The following XPNPEP1 variants were observed in gnomAD, a reference collection of about 807,000 sequenced individuals.
XPNPEP1 encodes xaa-Pro aminopeptidase 1.
In XPNPEP1, 39 loss-of-function variants were observed where a neutral mutation model predicts 92.4. That is an observed-to-expected ratio of 0.42 (90% confidence interval 0.33 to 0.55). The LOEUF is 0.55. Among genes scored for constraint, XPNPEP1 ranks in the 20% least tolerant of loss-of-function variants. XPNPEP1 has a pLI of 0.08. For synonymous variants in XPNPEP1, 307 were observed against 299.4 expected (o/e 1.03, Z -0.26); for missense variants, 654 against 856.1 (o/e 0.76, Z 2.95).
intron 5 of XPNPEP1, among the ~76,000 whole-genome samples, chr10:109,890,583 TGTGTGTGTGTGAGA>T (rs1180732510): frequency 7.1e-4 from 65 of 91,642 alleles, no homozygotes; most frequent in Middle Eastern, 5.7e-3. Flanking sequence ...TGTGTGTGTG[TGTGTGTGTGTGAGA>T]GAGAGAGAGA....
chr10:109,913,211 A>G (rs1849976371), intron 2 of XPNPEP1, among the ~76,000 whole-genome samples: 1 of 152,218 alleles, frequency 6.6e-6, no homozygotes, highest in Non-Finnish European at 1.5e-5. Context: ...CTTTATCACA[A>G]ACAAGATTTT....
intron 10 of XPNPEP1, 23 bp downstream of exon 10, chr10:109,882,409 T>A (rs367842342): frequency 1.2e-6 from 2 of 1,602,764 alleles, no homozygotes; most frequent in African/African-American, 1.3e-5. Flanking sequence ...AGAGTTTAGA[T>A]GGGCCAAAGT....
chr10:109,909,108 A>C (rs1325021451), intron 2 of XPNPEP1, among the ~76,000 whole-genome samples: 1 of 152,046 alleles, frequency 6.6e-6, no homozygotes, highest in African/African-American at 2.4e-5. Context: ...GTCTCTACTA[A>C]AAATACAAAA....
intron 10 of XPNPEP1, 139 bp downstream of exon 10, chr10:109,882,293 C>G (rs1848143086): frequency 2.1e-6 from 2 of 946,980 alleles, no homozygotes; most frequent in Non-Finnish European, 3.1e-6. Context: ...TGCTATGGCT[C>G]CAGCTTTAAG....
chr10:109,865,433 C>T (rs1847084272), intron 20 of XPNPEP1, 121 bp from the exon 21 acceptor site: 1 of 1,291,772 alleles, frequency 7.7e-7, no homozygotes, highest in African/African-American at 1.5e-5. Flanking sequence ...AGGTGTGCAA[C>T]ACCCTTTCTC....
intron 12 of XPNPEP1, among the ~76,000 whole-genome samples, chr10:109,879,651 C>A (rs1440064702): frequency 6.6e-6 from 1 of 151,952 alleles, no homozygotes; most frequent in Non-Finnish European, 1.5e-5. Flanking sequence ...GAAAAAGTTA[C>A]ACTAGTGGGA....
chr10:109,893,118 T>G, intron 3 of XPNPEP1, 43 bp from the exon 4 acceptor site: 1 of 1,575,824 alleles, frequency 6.3e-7, no homozygotes, highest in Non-Finnish European at 8.7e-7. Context: ...CGATCAGTCA[T>G]GAGCAGACTG....
chr10:109,882,729 T>G, intron 9 of XPNPEP1, 87 bp from the exon 10 acceptor site: 1 of 1,427,822 alleles, frequency 7.0e-7, no homozygotes, highest in Non-Finnish European at 9.6e-7. Context: ...CATCAGGCTC[T>G]GTTTCCTGGC....
intron 3 of XPNPEP1, among the ~76,000 whole-genome samples, chr10:109,899,804 A>C (rs1849184415): frequency 6.6e-6 from 1 of 152,248 alleles, no homozygotes; most frequent in South Asian, 2.1e-4. Flanking sequence ...CAACAACATA[A>C]TATGGGGTCT....
intron 2 of XPNPEP1, 138 bp from the exon 3 acceptor site, chr10:109,907,953 C>T: frequency 8.1e-7 from 1 of 1,241,158 alleles, no homozygotes; most frequent in East Asian, 2.4e-5. Context: ...ATCACTCCAC[C>T]ACCAGACCAA....
At chr10:109,878,335 T>C (rs1289244780) in intron 12 of XPNPEP1, 1 of 345,622 alleles carries the variant, frequency 2.9e-6, no homozygotes, top group Non-Finnish European at 5.3e-6. Flanking sequence ...AGTTTAAAAA[T>C]TCAAAAGCAT....
chr10:109,915,074 T>G lies in XPNPEP1; in HGVS notation c.58A>C (p.Arg20=). Residue 20 remains arginine, a synonymous_variant, in exon 2 of 21, where the codon AGA becomes CGA. Transcript: ENST00000502935. ...VRVNHQDFQL[R]NLRIIEPNEV... ...TTAGGTTCAATTATTCTTAAATTTC[T>G]CAGTTGAAAATCCTGGTGATTCACC... The G allele has an allele frequency of 6.5e-7, 1 of 1,529,286 alleles. No homozygotes were observed. The highest frequency in any genetic ancestry group is 1.2e-5 in the South Asian group (1 of 82,226). 94.7% of individuals were successfully genotyped at this position (1,529,286 alleles called of 1,614,324 possible). A position where few individuals can be genotyped will look rare whatever the true frequency, so the allele number is the denominator to read the frequency against.
intron 3 of XPNPEP1, among the ~76,000 whole-genome samples, chr10:109,896,032 C>T (rs1815249): frequency 0.56 from 84,919 of 152,112 alleles, 26,217 homozygotes; most frequent in African/African-American, 0.8. Context: ...GCTCCAGACA[C>T]ACCCACCTCC....
intron 19 of XPNPEP1, among the ~76,000 whole-genome samples, chr10:109,869,309 A>G (rs539794468): frequency 1.9e-4 from 29 of 152,338 alleles, no homozygotes; most frequent in Admixed American, 9.8e-4. Flanking sequence ...ACTTCCCTCC[A>G]ATTGTTCAAT....
At chr10:109,893,109 G>A (rs1260881911) in intron 3 of XPNPEP1, 34 bp from the exon 4 acceptor site, 41 of 1,593,678 alleles carry the variant, frequency 2.6e-5, no homozygotes, top group Non-Finnish European at 3.4e-5. Flanking sequence ...AGTGGGCCTC[G>A]ATCAGTCATG....
At chr10:109,891,466 G>A in intron 5 of XPNPEP1, 1 of 338,124 alleles carries the variant, frequency 3.0e-6, no homozygotes, top group Non-Finnish European at 5.4e-6. Context: ...AATGTGATCT[G>A]CAGCAAATCA....
intron 3 of XPNPEP1, 175 bp from the exon 4 acceptor site, chr10:109,893,250 A>C: frequency 5.5e-6 from 3 of 549,536 alleles, no homozygotes; most frequent in Non-Finnish European, 9.8e-6. Context: ...ACACTGCAGA[A>C]GATTGAATTA....
intron 16 of XPNPEP1, among the ~76,000 whole-genome samples, chr10:109,872,687 G>A (rs7916801): frequency 0.19 from 29,654 of 152,172 alleles, 3,304 homozygotes; most frequent in South Asian, 0.39. Flanking sequence ...TGGACAAACA[G>A]ATTCACTTAG....
At position 109,907,789 on chromosome 10, in the gene XPNPEP1, A is replaced by C. The variant is rs1849638504; in HGVS notation, c.148T>G (p.Ser50Ala). 1 of 1,614,128 alleles carries C rather than the reference A, an allele frequency of 6.2e-7. No individual in the cohort carries two copies. Among genetic ancestry groups the C allele is most frequent in the Admixed American group, 1.7e-5 (1 of 60,014 alleles). Residue 50 changes from serine (S) to alanine (A), a missense_variant, in exon 3 of 21, where the codon TCA (serine) becomes GCA (alanine). Transcript: ENST00000502935. ...TGTCTCAGCTGCCGAAGCAGCTCTGAAGTCACCTTTGGAGGCATTCTGCCG... is the reference window on the plus strand; with the variant it reads ...TGTCTCAGCTGCCGAAGCAGCTCTGCAGTCACCTTTGGAGGCATTCTGCCG... ...TDGRMPPKVT[S>A]ELLRQLRQAM...
Sources: gnomAD v4.1 joint callset for allele counts (sites outside exome capture counted in the v4.1 genomes callset) on GRCh38, gnomAD v4.1.1 for gene constraint, MANE v1.5 for transcripts, NCBI Gene and HGNC (gene_info 2026-07-23, HGNC 2026-07-21) for gene names.